The following FBRSL1 variants were observed in gnomAD, a reference collection of about 807,000 sequenced individuals.
FBRSL1 encodes fibrosin like 1.
FBRSL1 carries 51 observed loss-of-function variants against 89.6 expected under a neutral mutation model. The observed-to-expected ratio is 0.57, with a 90% confidence interval of 0.45 to 0.72. The LOEUF (loss-of-function observed/expected upper bound fraction) is 0.72. Ranked by LOEUF, FBRSL1 falls within the 30% of genes least tolerant of loss-of-function variation. The pLI is 0.00. For synonymous variants in FBRSL1, 779 were observed against 681.1 expected (o/e 1.14, Z -2.24); for missense variants, 1,618 against 1,451.8 (o/e 1.11, Z -1.86).
At chr12:132,550,413 G>A (rs1006223287) in intron 5 of FBRSL1, among the ~76,000 whole-genome samples, 2 of 152,168 alleles carry the variant, frequency 1.3e-5, no homozygotes, top group East Asian at 1.9e-4. Context: ...CGCACAAAGC[G>A]GGGGCACGGT....
At chr12:132,561,232 A>G (rs2039095735) in intron 5 of FBRSL1, among the ~76,000 whole-genome samples, 1 of 152,166 alleles carries the variant, frequency 6.6e-6, no homozygotes, top group African/African-American at 2.4e-5. Flanking sequence ...CTCGTCTGCT[A>G]AGTGTAGGGC....
Position 132,583,670 on chromosome 12 carries a change from GC to G in FBRSL1, c.2907del (p.Pro971ArgfsTer112). On this transcript the variant is annotated frameshift_variant, in exon 19 of 19. Coordinates refer to ENST00000680143, the MANE Select transcript of FBRSL1 (RefSeq NM_001367871.1). LOFTEE classifies it high-confidence loss of function. Reference sequence around the variant, plus strand: ...TGGTGACGGCGGCCGGGCCCCCCACGCCCCCCGGGCCGCCGCGGAGCCGGAC... The same window carrying G: ...TGGTGACGGCGGCCGGGCCCCCCACGCCCCCGGGCCGCCGCGGAGCCGGAC... ...PLVTAAGPPT[P>X]PGPPRSRTTP... The G allele has an allele frequency of 2.7e-6, 3 of 1,103,274 alleles. No individual in the cohort carries two copies. Among genetic ancestry groups the G allele is most frequent in the East Asian group, 4.9e-5 (1 of 20,402 alleles). The allele number at this position is 1,103,274 out of a possible 1,614,324, so 68.3% of individuals were successfully genotyped here.
At position 132,517,799 on chromosome 12, in the gene FBRSL1, G is replaced by A. The variant is rs139327905; in HGVS notation, c.490-7935G>A. 7.0e-3 allele frequency among the ~76,000 whole-genome samples: 1,066 copies of A among 152,296 alleles called. 4 individuals are homozygous for A. Among genetic ancestry groups the A allele is most frequent in the Non-Finnish European group, 0.011 (782 of 68,026 alleles). On this transcript the variant is annotated intron_variant, in intron 2 of 18. Transcript: ENST00000680143. ...AAGCCAGGGAACAACGTGAGCTCCT[G>A]TGTTTTTACAAACTCGTGGGGGAGG...
chr12:132,570,479 G>C lies in FBRSL1; in HGVS notation c.1152G>C (p.Pro384=). The C allele has an allele frequency of 6.5e-7, 1 of 1,530,634 alleles. No individual in the cohort carries two copies. Among genetic ancestry groups the C allele is most frequent in the South Asian group, 1.2e-5 (1 of 83,238 alleles). 94.8% of individuals were successfully genotyped at this position (1,530,634 alleles called of 1,614,324 possible). A position where few individuals can be genotyped will look rare whatever the true frequency, so the allele number is the denominator to read the frequency against. The change falls in exon 8 of 19, where the codon CCG becomes CCC. Residue 384 remains proline (P), a synonymous_variant. Coordinates refer to ENST00000680143, the MANE Select transcript of FBRSL1 (RefSeq NM_001367871.1). Reference sequence around the variant, plus strand: ...ACGCGGCCATGTTTGCCGCACCCCCGACACTGCCCCCGCCCCCGGCGCTGC... The same window carrying C: ...ACGCGGCCATGTTTGCCGCACCCCCCACACTGCCCCCGCCCCCGGCGCTGC... The part of the protein sequence containing the change: ...QLHAAMFAAP[P]TLPPPPALPA...
rs564794717 is a variant in FBRSL1, at chr12:132,511,672, C to G, written c.489+3322C>G. 12 of 985,466 alleles carry G rather than the reference C, an allele frequency of 1.2e-5. No individual in the cohort carries two copies. The South Asian group carries it at 3.8e-4, about 31-fold the overall frequency. The allele number at this position is 985,466 out of a possible 1,614,324, so 61.0% of individuals were successfully genotyped here. A position where few individuals can be genotyped will look rare whatever the true frequency, so the allele number is the denominator to read the frequency against. On this transcript the variant is annotated intron_variant, in intron 2 of 18. Transcript: ENST00000680143. ...GCCTGGTCTTGCCCAGCTGGGCTGC[C>G]TCAGGTGTCAGGAAGGGGATGGGTG...
chr12:132,573,782 G>T (rs115271219), intron 11 of FBRSL1, among the ~76,000 whole-genome samples: 3,519 of 152,244 alleles, frequency 0.023, 138 homozygotes, highest in African/African-American at 0.081. Flanking sequence ...GCTCCTCCTG[G>T]GCTGGAGACT....
At chr12:132,560,943 T>G (rs1022061907) in intron 5 of FBRSL1, among the ~76,000 whole-genome samples, 2 of 152,132 alleles carry the variant, frequency 1.3e-5, no homozygotes, top group African/African-American at 4.8e-5. Context: ...ATCTGGCCAC[T>G]GCCAGAAGCC....
At chr12:132,535,396 C>T (rs181247153) in intron 4 of FBRSL1, among the ~76,000 whole-genome samples, 6 of 152,304 alleles carry the variant, frequency 3.9e-5, no homozygotes, top group Middle Eastern at 3.4e-3. Context: ...ACACGCCATC[C>T]GCTGTGGGGA....
At chr12:132,501,757 C>T (rs908269676) in intron 1 of FBRSL1, among the ~76,000 whole-genome samples, 1 of 152,158 alleles carries the variant, frequency 6.6e-6, no homozygotes, top group African/African-American at 2.4e-5. Context: ...CTCGTCCCAG[C>T]AGCGCTGGCC....
At chr12:132,569,486 A>G (rs1200681100) in intron 6 of FBRSL1, among the ~76,000 whole-genome samples, 1 of 152,098 alleles carries the variant, frequency 6.6e-6, no homozygotes, top group Admixed American at 6.5e-5. Flanking sequence ...GGGCACATCC[A>G]GGGGCCGTGA....
At chr12:132,565,565 AT>A (rs1185589636) in intron 5 of FBRSL1, 6 of 152,246 alleles carry the variant, frequency 3.9e-5, no homozygotes, top group East Asian at 1.9e-4. Flanking sequence ...ATGTTCATGT[AT>A]CCGTGTGTGT....
intron 5 of FBRSL1, chr12:132,551,063 G>A (rs1020744631): frequency 2.0e-5 from 6 of 301,002 alleles, no homozygotes; most frequent in African/African-American, 8.7e-5. Context: ...CTGTCCCTGG[G>A]CACTGCTGTG....
intron 4 of FBRSL1, among the ~76,000 whole-genome samples, chr12:132,529,230 C>T (rs1297609450): frequency 6.6e-6 from 1 of 152,194 alleles, no homozygotes; most frequent in Admixed American, 6.5e-5. Flanking sequence ...TGTAATTAAA[C>T]CAGGAATGAC....
chr12:132,573,230 G>A (rs776349170), intron 11 of FBRSL1, among the ~76,000 whole-genome samples: 6 of 152,182 alleles, frequency 3.9e-5, no homozygotes, highest in African/African-American at 9.7e-5. Context: ...TTCTGAAGAC[G>A]GGGCCTGGAC....
At chr12:132,582,458 T>C (rs910142515) in intron 18 of FBRSL1, among the ~76,000 whole-genome samples, 192 bp downstream of exon 18, 1 of 143,058 alleles carries the variant, frequency 7.0e-6, no homozygotes, top group African/African-American at 2.6e-5. Context: ...GCCCCACTGC[T>C]GCGCACTCAC....
At chr12:132,559,240 G>A (rs2038915101) in intron 5 of FBRSL1, among the ~76,000 whole-genome samples, 1 of 152,256 alleles carries the variant, frequency 6.6e-6, no homozygotes, top group African/African-American at 2.4e-5. Context: ...GCCGTTTGCA[G>A]CTACAGCAGC....
chr12:132,570,661 CCTCT>C (rs1566227495), intron 8 of FBRSL1, 121 bp downstream of exon 8: 7 of 911,350 alleles, frequency 7.7e-6, no homozygotes, highest in Non-Finnish European at 9.4e-6. Flanking sequence ...ACCCTGCGCG[CCTCT>C]CTGAGTGGTT....
At chr12:132,564,359 C>A (rs2039409871) in intron 5 of FBRSL1, among the ~76,000 whole-genome samples, 2 of 128,422 alleles carry the variant, frequency 1.6e-5, no homozygotes, top group Admixed American at 1.5e-4. Flanking sequence ...CAGATCCCTG[C>A]TTGGGATTTT....
chr12:132,565,916 G>T (rs1036908837), intron 5 of FBRSL1: 2 of 152,266 alleles, frequency 1.3e-5, no homozygotes, highest in African/African-American at 4.8e-5. Flanking sequence ...AGGGTTGGGG[G>T]TGACGGTTAG....
Sources: gnomAD v4.1 joint callset for allele counts (sites outside exome capture counted in the v4.1 genomes callset) on GRCh38, gnomAD v4.1.1 for gene constraint, MANE v1.5 for transcripts, NCBI Gene and HGNC (gene_info 2026-07-23, HGNC 2026-07-21) for gene names.